The following SOX5 variants were observed in gnomAD, a reference collection of about 807,000 sequenced individuals.
The protein encoded by SOX5 is transcription factor SOX-5.
Under a neutral mutation model 92.0 loss-of-function variants are expected in SOX5, and 9 were observed. The ratio of observed to expected loss-of-function variants is 0.10; its 90% CI spans 0.06 to 0.17. The LOEUF (loss-of-function observed/expected upper bound fraction) is 0.17, where lower values mean the gene tolerates loss of function less well. Ranked by LOEUF, SOX5 falls within the 10% of genes least tolerant of loss-of-function variation. SOX5 has a pLI of 1.00. For missense variants in SOX5, 642 were observed against 944.5 expected, an observed-to-expected ratio of 0.68 and a Z score of 4.20; for synonymous variants, 344 against 336.3, an observed-to-expected ratio of 1.02 and a Z score of -0.25.
intron 2 of SOX5, among the ~76,000 whole-genome samples, chr12:23,889,422 C>T (rs529279327): frequency 1.3e-5 from 2 of 152,114 alleles, no homozygotes; most frequent in Non-Finnish European, 2.9e-5. Context: ...TAACACCATC[C>T]TAGTCAAACA....
intron 1 of SOX5, among the ~76,000 whole-genome samples, chr12:23,935,718 A>G (rs1348012846): frequency 6.6e-6 from 1 of 151,184 alleles, no homozygotes; most frequent in Non-Finnish European, 1.5e-5. Context: ...AGTTTATATC[A>G]CAATTATTTT....
At chr12:24,360,417 C>T (rs1464215551) in intron 2 of SOX5, among the ~76,000 whole-genome samples, 2 of 152,090 alleles carry the variant, frequency 1.3e-5, no homozygotes, top group African/African-American at 4.8e-5. Flanking sequence ...CATGGAAATT[C>T]TTTATGTCAA....
intron 4 of SOX5, among the ~76,000 whole-genome samples, chr12:23,976,920 A>T (rs1948988924): frequency 1.3e-5 from 2 of 152,134 alleles, no homozygotes; most frequent in Admixed American, 1.3e-4. Flanking sequence ...CAAATACAGG[A>T]AGGAAAGAAG....
intron 9 of SOX5, among the ~76,000 whole-genome samples, chr12:23,579,672 A>G (rs187675560): frequency 6.6e-6 from 1 of 152,294 alleles, no homozygotes; most frequent in Admixed American, 6.5e-5. Context: ...GCTGAAGGTA[A>G]GACTTCTCTT....
chr12:23,683,660 G>A lies in SOX5; in HGVS notation c.811-18096C>T, dbSNP rs555787365. 5.9e-5 allele frequency among the ~76,000 whole-genome samples: 9 copies of A among 151,988 alleles called. 1 individual carries two copies. In the South Asian group the frequency reaches 1.7e-3, roughly 28 times the overall value. On this transcript the variant is annotated intron_variant, in intron 6 of 14. Transcript: ENST00000451604. ...GATTTAACAGGAGAAAAAACTCAAC[G>A]TTTCAATTTACACATTGATCAGCAA...
intron 10 of SOX5, among the ~76,000 whole-genome samples, chr12:23,568,501 T>C (rs7955799): frequency 0.13 from 19,911 of 152,138 alleles, 1,707 homozygotes; most frequent in Non-Finnish European, 0.18. Flanking sequence ...CCCTTCCAGA[T>C]TGCCAGATAC....
chr12:23,983,365 T>G (rs1226095960), intron 4 of SOX5, among the ~76,000 whole-genome samples: 3 of 152,116 alleles, frequency 2.0e-5, no homozygotes, highest in Non-Finnish European at 4.4e-5. Context: ...AGTTTAGAAT[T>G]TTCACCAAAG....
chr12:24,291,371 T>C (rs896638945), intron 2 of SOX5, among the ~76,000 whole-genome samples: 1 of 152,184 alleles, frequency 6.6e-6, no homozygotes. Context: ...ATCAAATAAA[T>C]TGTTTAAATG....
intron 8 of SOX5, among the ~76,000 whole-genome samples, chr12:23,608,241 T>A (rs1358195086): frequency 6.8e-6 from 1 of 146,338 alleles, no homozygotes. Context: ...ACCTTGAAAC[T>A]AATGTGTTAG....
chr12:23,609,565 G>A (rs570960742), intron 8 of SOX5, among the ~76,000 whole-genome samples: 16 of 152,266 alleles, frequency 1.1e-4, no homozygotes, highest in Admixed American at 4.6e-4. Context: ...ATAATACAAT[G>A]TATATGAAGT....
intron 1 of SOX5, among the ~76,000 whole-genome samples, chr12:24,385,269 A>G (rs1047549728): frequency 2.0e-5 from 3 of 152,220 alleles, no homozygotes; most frequent in African/African-American, 7.2e-5. Flanking sequence ...TCAGTAATCA[A>G]TAAATTACAT....
intron 3 of SOX5, among the ~76,000 whole-genome samples, chr12:24,271,438 T>A (rs1292200914): frequency 6.6e-6 from 1 of 152,208 alleles, no homozygotes; most frequent in East Asian, 1.9e-4. Flanking sequence ...GTCAATGATG[T>A]TTTTGAAATT....
At chr12:24,139,200 G>A (rs1308046750) in intron 4 of SOX5, among the ~76,000 whole-genome samples, 5 of 152,210 alleles carry the variant, frequency 3.3e-5, no homozygotes, top group East Asian at 1.9e-4. Flanking sequence ...AATTCTTTCC[G>A]CATATTAAAT....
intron 4 of SOX5, among the ~76,000 whole-genome samples, chr12:24,082,384 A>C (rs12372757): frequency 8.2e-6 from 1 of 121,278 alleles, no homozygotes; most frequent in Admixed American, 1.1e-4. Context: ...TTCTCTCACC[A>C]GGGCTGCTCC....
chr12:24,089,996 C>G (rs888974388), intron 4 of SOX5, among the ~76,000 whole-genome samples: 1 of 151,920 alleles, frequency 6.6e-6, no homozygotes, highest in East Asian at 1.9e-4. Flanking sequence ...GGAATCAATA[C>G]GTAAGACCAC....
chr12:23,630,445 A>T (rs2078385733), intron 8 of SOX5, among the ~76,000 whole-genome samples: 1 of 151,964 alleles, frequency 6.6e-6, no homozygotes, highest in African/African-American at 2.4e-5. Context: ...CAAAAATAAG[A>T]CATTTTGTCT....
intron 1 of SOX5, among the ~76,000 whole-genome samples, chr12:24,437,962 A>G (rs527415293): frequency 3.2e-4 from 49 of 152,332 alleles, no homozygotes; most frequent in African/African-American, 1.1e-3. Context: ...AAATCATTCT[A>G]CTATAAAGAC....
In SOX5 at chr12:24,347,871, A is replaced by G. The variant is rs184921637; in HGVS notation, c.-174+20692T>C. On this transcript the variant is annotated intron_variant, in intron 2 of 4. Transcript: ENST00000446891. ...CCTCCAGAGTCTCTGAAATCACTGT[A>G]GTAAGGATTGATGAACCGACCTGGC... is the stretch of plus-strand genomic sequence containing the variant. Among the ~76,000 whole-genome samples the G allele has an allele frequency of 3.7e-3, 566 of 152,282 alleles. 2 individuals carry two copies. The highest frequency in any genetic ancestry group is 6.5e-3 in the Non-Finnish European group (442 of 68,018).
At chr12:23,764,351 A>G (rs183136255) in intron 3 of SOX5, among the ~76,000 whole-genome samples, 13 of 152,206 alleles carry the variant, frequency 8.5e-5, no homozygotes, top group Admixed American at 7.9e-4. Flanking sequence ...AGAACAAAAT[A>G]ATAGAAAAGA....
Sources: gnomAD v4.1 joint callset for allele counts (sites outside exome capture counted in the v4.1 genomes callset) on GRCh38, gnomAD v4.1.1 for gene constraint, MANE v1.5 for transcripts, NCBI Gene and HGNC (gene_info 2026-07-23, HGNC 2026-07-21) for gene names.